Variants in CDH18 observed in about 807,000 individuals in gnomAD.
The protein encoded by CDH18 is cadherin-18.
Under a neutral mutation model 67.9 loss-of-function variants are expected in CDH18, and 31 were observed. The observed-to-expected ratio is 0.46, with a 90% confidence interval of 0.34 to 0.62. The LOEUF is 0.62. CDH18 is among the 20% of genes least tolerant of loss of function. The pLI, the probability that CDH18 is intolerant of heterozygous loss-of-function variation, is 0.01. For missense variants in CDH18, 890 were observed against 975.5 expected (o/e 0.91, Z 1.17); for synonymous variants, 362 against 347.2 (o/e 1.04, Z -0.48).
chr5:20,355,924 A>G (rs1246205799), intron 1 of CDH18, among the ~76,000 whole-genome samples: 1 of 152,236 alleles, frequency 6.6e-6, no homozygotes, highest in African/African-American at 2.4e-5. Context: ...TTACAGATTG[A>G]CAAGCACATT....
At chr5:20,453,409 C>T (rs1437363603) in intron 1 of CDH18, among the ~76,000 whole-genome samples, 1 of 152,022 alleles carries the variant, frequency 6.6e-6, no homozygotes, top group Non-Finnish European at 1.5e-5. Flanking sequence ...GGCTACAAGT[C>T]CATGAAAGTC....
chr5:19,624,537 T>A (rs1348420886), intron 5 of CDH18, among the ~76,000 whole-genome samples: 1 of 152,158 alleles, frequency 6.6e-6, no homozygotes, highest in Non-Finnish European at 1.5e-5. Flanking sequence ...TCCTTTAGCA[T>A]ATAGTTTTAA....
chr5:19,515,985 T>C (rs941598376), intron 10 of CDH18, among the ~76,000 whole-genome samples: 4 of 152,320 alleles, frequency 2.6e-5, no homozygotes, highest in African/African-American at 4.8e-5. Flanking sequence ...GGCTGTGGGT[T>C]TGTCATACAA....
At chr5:19,720,314 C>A (rs1287818463) in intron 5 of CDH18, among the ~76,000 whole-genome samples, 2 of 151,946 alleles carry the variant, frequency 1.3e-5, no homozygotes, top group African/African-American at 4.8e-5. Context: ...TGTGGCTATG[C>A]CATTTACTTG....
At position 20,274,836 on chromosome 5, in the gene CDH18, A is replaced by G. The variant is rs1368974791; in HGVS notation, c.-579-19331T>C. Among the ~76,000 whole-genome samples the G allele has an allele frequency of 7.9e-5, 12 of 152,290 alleles. No individual in the cohort carries two copies. In the East Asian group the frequency reaches 2.3e-3, roughly 29 times the overall value. On this transcript the variant is annotated intron_variant, in intron 1 of 14. Transcript: ENST00000507958. ...TAGAAAAAATATTTGGATATAATCA[A>G]TGTAAATTATTTCAAATGATGGGTG...
intron 2 of CDH18, among the ~76,000 whole-genome samples, chr5:19,906,742 C>T (rs1790580894): frequency 6.6e-6 from 1 of 151,888 alleles, no homozygotes. Context: ...ATATGGTTAA[C>T]ATTGCAACAT....
intron 1 of CDH18, among the ~76,000 whole-genome samples, chr5:20,346,350 C>T (rs1009644560): frequency 1.3e-5 from 2 of 152,118 alleles, no homozygotes; most frequent in Non-Finnish European, 2.9e-5. Flanking sequence ...CAGTTAATGC[C>T]TACATTCATT....
At chr5:20,209,661 A>G (rs1255691000) in intron 2 of CDH18, among the ~76,000 whole-genome samples, 1 of 152,000 alleles carries the variant, frequency 6.6e-6, no homozygotes, top group Non-Finnish European at 1.5e-5. Flanking sequence ...GATAAAAGAA[A>G]TAAGTCCTAA....
rs534298648 is a variant in CDH18 at position 20,450,993 on chromosome 5, A to G, written c.-580+124469T>C. On this transcript the variant is annotated intron_variant, in intron 1 of 14. Transcript: ENST00000507958. The stretch of plus-strand genomic sequence containing the variant: ...ATTGAGACTTACTCACTATCATGAG[A>G]ACAGCTTGGGAAAGACCTGCCCTAT... Among the ~76,000 whole-genome samples the G allele has an allele frequency of 4.6e-5, 7 of 152,298 alleles. No homozygotes were observed. In the South Asian group the frequency reaches 1.4e-3, roughly 32 times the overall value.
intron 5 of CDH18, among the ~76,000 whole-genome samples, chr5:19,657,820 T>A (rs1409074069): frequency 6.6e-6 from 1 of 152,134 alleles, no homozygotes; most frequent in Non-Finnish European, 1.5e-5. Flanking sequence ...AGGTGAGGAA[T>A]AGTAATTTCC....
At chr5:20,349,376 C>A (rs1014209979) in intron 1 of CDH18, among the ~76,000 whole-genome samples, 2 of 152,094 alleles carry the variant, frequency 1.3e-5, no homozygotes, top group African/African-American at 4.8e-5. Flanking sequence ...ATGCAGAATT[C>A]ATTGAATACT....
intron 2 of CDH18, among the ~76,000 whole-genome samples, chr5:20,018,956 G>A (rs865974436): frequency 5.3e-5 from 8 of 150,240 alleles, no homozygotes; most frequent in Admixed American, 2.0e-4. Flanking sequence ...CACCATGCCC[G>A]GCTAATTTTT....
intron 2 of CDH18, among the ~76,000 whole-genome samples, chr5:19,867,372 T>C (rs1424672238): frequency 6.6e-6 from 1 of 152,148 alleles, no homozygotes; most frequent in African/African-American, 2.4e-5. Context: ...TATACAGATA[T>C]AAAATAAATA....
chr5:19,707,099 G>A (rs1193261276), intron 5 of CDH18, among the ~76,000 whole-genome samples: 1 of 152,050 alleles, frequency 6.6e-6, no homozygotes, highest in East Asian at 1.9e-4. Context: ...AGCCAATTTG[G>A]GCACCATCGA....
intron 1 of CDH18, among the ~76,000 whole-genome samples, chr5:20,307,014 A>G (rs1671879435): frequency 7.1e-6 from 1 of 141,244 alleles, no homozygotes; most frequent in African/African-American, 3.0e-5. Flanking sequence ...CAACTGTGAT[A>G]TCTTATGAGG....
At chr5:19,853,128 G>A (rs1401045843) in intron 2 of CDH18, among the ~76,000 whole-genome samples, 1 of 152,174 alleles carries the variant, frequency 6.6e-6, no homozygotes, top group East Asian at 1.9e-4. Flanking sequence ...TTAAATAACA[G>A]AAATGTATTT....
chr5:20,341,803 T>G (rs1487274448), intron 1 of CDH18, among the ~76,000 whole-genome samples: 2 of 151,936 alleles, frequency 1.3e-5, no homozygotes, highest in African/African-American at 2.4e-5. Context: ...TGATGTGAAC[T>G]GTTTAGAGAG....
chr5:20,386,778 T>G (rs1744345304), intron 1 of CDH18, among the ~76,000 whole-genome samples: 1 of 152,152 alleles, frequency 6.6e-6, no homozygotes, highest in African/African-American at 2.4e-5. Flanking sequence ...TTTTGTACAT[T>G]GCTGAAAGCT....
At chr5:20,368,894 G>A (rs1302164842) in intron 1 of CDH18, among the ~76,000 whole-genome samples, 3 of 152,156 alleles carry the variant, frequency 2.0e-5, no homozygotes, top group African/African-American at 7.2e-5. Flanking sequence ...CACAGATGAT[G>A]TTCTACGTTC....
Sources: gnomAD v4.1 joint callset for allele counts (sites outside exome capture counted in the v4.1 genomes callset) on GRCh38, gnomAD v4.1.1 for gene constraint, MANE v1.5 for transcripts, NCBI Gene and HGNC (gene_info 2026-07-23, HGNC 2026-07-21) for gene names.